Variants in LRRC59 observed in about 807,000 individuals in gnomAD.
LRRC59 encodes leucine rich repeat containing 59.
A neutral mutation model predicts 33.5 loss-of-function variants in LRRC59; 18 were observed. That is an observed-to-expected ratio of 0.54 (90% CI 0.37 to 0.80). The LOEUF (loss-of-function observed/expected upper bound fraction) is 0.80. Ranked by LOEUF, LRRC59 falls within the 30% of genes least tolerant of loss-of-function variation. The pLI is 0.00. For synonymous variants in LRRC59, 138 were observed against 160.0 expected, an observed-to-expected ratio of 0.86 and a Z score of 1.04; for missense variants, 330 against 391.9, an observed-to-expected ratio of 0.84 and a Z score of 1.33.
At position 50,385,216 on chromosome 17, in the gene LRRC59, G is replaced by A. The variant is rs754814394; in HGVS notation, c.578C>T (p.Ala193Val). 17 of 1,614,030 alleles carry A rather than the reference G, an allele frequency of 1.1e-5. No individual in the cohort carries two copies. The highest frequency in any genetic ancestry group is 2.2e-5 in the East Asian group (1 of 44,888). ...QERELRKREKAEEKERRRKEY... is the reference protein window; with the variant it reads ...QERELRKREKVEEKERRRKEY... ...CTTTCTCCGGCGCTCCTTCTCTTCC[G>A]CCTTCTCCCGCTTCCGCAGTTCCCG... is the stretch of plus-strand genomic sequence containing the variant. The change falls in exon 6 of 7, where the codon GCG becomes GTG. Residue 193 changes from alanine (A) to valine (V), a missense_variant. Ala to Val is a moderately conservative substitution (Grantham distance 64). Coordinates refer to ENST00000225972, the MANE Select transcript of LRRC59 (RefSeq NM_018509.4).
Position 50,388,110 on chromosome 17 carries a change from A to C in LRRC59, c.452T>G (p.Val151Gly). The C allele has an allele frequency of 6.2e-7, 1 of 1,614,224 alleles. No homozygotes were observed. The change falls in exon 5 of 7, where the codon GTG becomes GGG. Residue 151 changes from valine (V) to glycine (G), a missense_variant. Transcript: ENST00000225972. ...ANKVLQHMKA[V>G]QADQERERQR... Reference sequence around the variant, plus strand: ...CCTCTCCCGCTCCTGATCTGCCTGCACGGCCTTCATGTGCTGTAACACCTG... The same window carrying C: ...CCTCTCCCGCTCCTGATCTGCCTGCCCGGCCTTCATGTGCTGTAACACCTG...
chr17:50,385,769 A>C lies in LRRC59; in HGVS notation c.503-478T>G, dbSNP rs183940531. Reference sequence around the variant, plus strand: ...AATGAGCACTCAAGTTTAGGGTTAGAAACAATGACGCCAGGAGCAGTAGTT... The same window carrying C: ...AATGAGCACTCAAGTTTAGGGTTAGCAACAATGACGCCAGGAGCAGTAGTT... On this transcript the variant is annotated intron_variant, in intron 5 of 6. Transcript: ENST00000225972. Among the ~76,000 whole-genome samples the C allele has an allele frequency of 6.6e-5, 10 of 152,314 alleles. 1 individual carries two copies. The highest frequency in any genetic ancestry group is 2.2e-4 in the African/African-American group (9 of 41,574).
chr17:50,385,144 G>A lies in LRRC59; in HGVS notation c.650C>T (p.Pro217Leu), dbSNP rs774920016. ...KAAKREQEKK[P>L]KKEANQAPKS... ...CGGGGCCTGATTTGCTTCCTTCTTA[G>A]GTTTCTTCTCCTGCTCCCGCTTGGC... The change falls in exon 6 of 7, where the codon CCT (proline) becomes CTT (leucine). Residue 217 changes from proline to leucine, a missense_variant. Coordinates refer to ENST00000225972, the MANE Select transcript of LRRC59 (RefSeq NM_018509.4). The A allele has an allele frequency of 1.2e-6, 2 of 1,613,916 alleles. No individual in the cohort carries two copies. Among genetic ancestry groups the A allele is most frequent in the Non-Finnish European group, 1.7e-6 (2 of 1,180,028 alleles).
intron 3 of LRRC59, 93 bp from the exon 4 acceptor site, chr17:50,392,595 C>T: frequency 1.4e-6 from 2 of 1,444,712 alleles, no homozygotes; most frequent in South Asian, 1.2e-5. Context: ...GGAAGAATGC[C>T]CCTCTGTGTT....
chr17:50,393,937 A>C (rs940245180), intron 2 of LRRC59, among the ~76,000 whole-genome samples: 1 of 152,134 alleles, frequency 6.6e-6, no homozygotes, highest in Non-Finnish European at 1.5e-5. Flanking sequence ...TGATTCTCCC[A>C]CCTCAGCCTC....
intron 2 of LRRC59, among the ~76,000 whole-genome samples, chr17:50,393,208 T>A (rs1914191705): frequency 6.6e-6 from 1 of 152,206 alleles, no homozygotes; most frequent in Admixed American, 6.5e-5. Context: ...TAGCAGCCGT[T>A]CTTCCTCAAA....
chr17:50,397,441 A>T lies in LRRC59; in HGVS notation c.-124T>A. 1.6e-6 allele frequency: 1 copy of T among 617,032 alleles called. No homozygotes were observed. The highest frequency in any genetic ancestry group is 2.4e-5 in the South Asian group (1 of 42,092). 38.2% of individuals were successfully genotyped at this position (617,032 alleles called of 1,614,324 possible). ...ACGCCTGAGCCCTCCGTCGCCGCCG[A>T]TGCGAGACCGCCTCCGCCCGCTGGC... On this transcript the variant is annotated 5_prime_UTR_variant, in exon 1 of 7. Coordinates refer to ENST00000225972, the MANE Select transcript of LRRC59 (RefSeq NM_018509.4).
At chr17:50,383,435 CA>C (rs1391578822) in intron 6 of LRRC59, among the ~76,000 whole-genome samples, 200 bp from the exon 7 acceptor site, 1 of 152,088 alleles carries the variant, frequency 6.6e-6, no homozygotes, top group Non-Finnish European at 1.5e-5. Flanking sequence ...GGTAGATTTG[CA>C]ACTGGCACTC....
intron 6 of LRRC59, among the ~76,000 whole-genome samples, chr17:50,384,717 A>G (rs2143353964): frequency 6.6e-6 from 1 of 151,300 alleles, no homozygotes; most frequent in East Asian, 1.9e-4. Flanking sequence ...GTGAGCCGAG[A>G]TCACGCCATT....
At chr17:50,383,638 T>C (rs911591966) in intron 6 of LRRC59, among the ~76,000 whole-genome samples, 3 of 152,074 alleles carry the variant, frequency 2.0e-5, no homozygotes, top group Admixed American at 6.5e-5. Context: ...ATAATGTGTA[T>C]ATAAAAAGAA....
At position 50,397,354 on chromosome 17, in the gene LRRC59, C is replaced by G. The variant is rs1198302195; in HGVS notation, c.-37G>C. 1.3e-6 allele frequency: 2 copies of G among 1,547,362 alleles called. No homozygotes were observed. Among genetic ancestry groups the G allele is most frequent in the African/African-American group, 2.8e-5 (2 of 71,838 alleles). Reference sequence around the variant, plus strand: ...CTGAGCGGGCCCCGGCTCCGGGGTTCCGGCGGGTGAAAGGAGCTGAAATGT... The same window carrying G: ...CTGAGCGGGCCCCGGCTCCGGGGTTGCGGCGGGTGAAAGGAGCTGAAATGT... On this transcript the variant is annotated 5_prime_UTR_variant, in exon 1 of 7. Transcript: ENST00000225972.
At chr17:50,392,062 T>C (rs1237795510) in intron 4 of LRRC59, among the ~76,000 whole-genome samples, 2 of 152,168 alleles carry the variant, frequency 1.3e-5, no homozygotes, top group Admixed American at 1.3e-4. Flanking sequence ...TAGCTGAGCA[T>C]GGTAGCAGGC....
intron 1 of LRRC59, 77 bp from the exon 2 acceptor site, chr17:50,395,065 T>C (rs1914239347): frequency 3.1e-6 from 3 of 981,150 alleles, no homozygotes; most frequent in Non-Finnish European, 4.9e-6. Context: ...ATGAAGCATT[T>C]TCCAGAGAAT....
chr17:50,397,134 G>A (rs1225611685), intron 1 of LRRC59, 79 bp downstream of exon 1: 3 of 1,062,236 alleles, frequency 2.8e-6, no homozygotes, highest in Admixed American at 2.7e-5. Context: ...TGCTTTTAGA[G>A]AAGAGGAAAG....
chr17:50,383,304 T>C (rs1773706778), intron 6 of LRRC59, 69 bp from the exon 7 acceptor site: 4 of 1,497,306 alleles, frequency 2.7e-6, no homozygotes, highest in Non-Finnish European at 2.7e-6. Flanking sequence ...TAATCTCTGC[T>C]AGTCTCCTCC....
At chr17:50,388,725 C>T (rs1790679008) in intron 4 of LRRC59, among the ~76,000 whole-genome samples, 1 of 151,286 alleles carries the variant, frequency 6.6e-6, no homozygotes, top group Non-Finnish European at 1.5e-5. Flanking sequence ...TTTACACTCA[C>T]TGTCACATGC....
chr17:50,393,005 A>C, intron 2 of LRRC59, 108 bp from the exon 3 acceptor site: 1 of 1,120,892 alleles, frequency 8.9e-7, no homozygotes, highest in Non-Finnish European at 1.3e-6. Context: ...ACATTACGAG[A>C]TTTTTTTTCC....
In LRRC59 at chr17:50,381,386, C is replaced by T. The variant is rs1314916945; in HGVS notation, c.*1602G>A. On this transcript the variant is annotated 3_prime_UTR_variant, in exon 7 of 7. Coordinates refer to ENST00000225972, the MANE Select transcript of LRRC59 (RefSeq NM_018509.4). ...AAGGAACGGGATTATGATGACTATGCGGACTTCTATATTGTCTTCATCTCA... is the reference window on the plus strand; with the variant it reads ...AAGGAACGGGATTATGATGACTATGTGGACTTCTATATTGTCTTCATCTCA... The T allele has an allele frequency of 1.1e-5, 2 of 187,494 alleles. No homozygotes were observed. Among genetic ancestry groups the T allele is most frequent in the Non-Finnish European group, 2.3e-5 (2 of 87,998 alleles). 11.6% of individuals were successfully genotyped at this position (187,494 alleles called of 1,614,324 possible). A position where few individuals can be genotyped will look rare whatever the true frequency, so the allele number is the denominator to read the frequency against.
chr17:50,390,139 T>C (rs969601690), intron 4 of LRRC59, among the ~76,000 whole-genome samples: 2 of 149,864 alleles, frequency 1.3e-5, no homozygotes, highest in African/African-American at 4.9e-5. Context: ...AAATCAGGTC[T>C]GGACCCAGAG....
Sources: gnomAD v4.1 joint callset for allele counts (sites outside exome capture counted in the v4.1 genomes callset) on GRCh38, gnomAD v4.1.1 for gene constraint, MANE v1.5 for transcripts, NCBI Gene and HGNC (gene_info 2026-07-23, HGNC 2026-07-21) for gene names.